AGBL1: variants seen among roughly 807,000 people sequenced by gnomAD.
AGBL1 encodes the protein AGBL carboxypeptidase 1, also known as cytosolic carboxypeptidase 4.
Under a neutral mutation model 118.9 loss-of-function variants are expected in AGBL1, and 130 were observed. The observed-to-expected ratio is 1.09, with a 90% confidence interval of 0.95 to 1.26. The LOEUF (loss-of-function observed/expected upper bound fraction) is 1.26, where lower values mean the gene tolerates loss of function less well. Ranked by LOEUF, AGBL1 falls within the 50% of genes most tolerant of loss-of-function variation. The pLI, the probability that AGBL1 is intolerant of heterozygous loss-of-function variation, is 0.00. For synonymous variants in AGBL1, 555 were observed against 478.9 expected, an observed-to-expected ratio of 1.16 and a Z score of -2.08; for missense variants, 1,584 against 1,298.1, an observed-to-expected ratio of 1.22 and a Z score of -3.38.
intron 22 of AGBL1, among the ~76,000 whole-genome samples, chr15:86,861,448 T>C (rs2079557966): frequency 6.6e-6 from 1 of 152,208 alleles, no homozygotes; most frequent in Admixed American, 6.5e-5. Context: ...CCCTATTCTA[T>C]TAATATGTTC....
chr15:86,689,336 T>C (rs151158981), intron 22 of AGBL1, among the ~76,000 whole-genome samples: 1 of 152,260 alleles, frequency 6.6e-6, no homozygotes, highest in African/African-American at 2.4e-5. Context: ...CCACTCCTAC[T>C]GTAAGGCCTC....
chr15:86,447,992 A>G (rs1369816204), intron 18 of AGBL1, among the ~76,000 whole-genome samples: 2 of 152,100 alleles, frequency 1.3e-5, no homozygotes, highest in African/African-American at 4.8e-5. Flanking sequence ...AAAAAATACA[A>G]AAACTAGCCG....
Position 86,787,867 on chromosome 15 carries a change from C to A in AGBL1, c.3158+113431C>A, listed in dbSNP as rs570857273. ...TTATCAATACTTACATCTTTTTTTT[C>A]TTCTTTGAATTTTTGATTTTTTTAA... On this transcript the variant is annotated intron_variant, in intron 22 of 22. Coordinates refer to ENST00000614907, the MANE Select transcript of AGBL1 (RefSeq NM_001386094.1). Among the ~76,000 whole-genome samples, 4 of 151,934 alleles carry A rather than the reference C, an allele frequency of 2.6e-5. No individual in the cohort carries two copies. In the South Asian group the frequency reaches 8.3e-4, roughly 32 times the overall value.
intron 22 of AGBL1, among the ~76,000 whole-genome samples, chr15:86,747,175 C>G (rs1425360248): frequency 6.6e-6 from 1 of 151,960 alleles, no homozygotes; most frequent in Non-Finnish European, 1.5e-5. Context: ...TTTCATGCTG[C>G]TTTTCCTTAG....
At chr15:86,748,530 T>C (rs1355542726) in intron 22 of AGBL1, among the ~76,000 whole-genome samples, 1 of 132,804 alleles carries the variant, frequency 7.5e-6, no homozygotes, top group East Asian at 2.1e-4. Flanking sequence ...TTTTTTTTTT[T>C]TTTTTTTTTT....
chr15:86,487,795 A>G (rs2082731466), intron 18 of AGBL1, among the ~76,000 whole-genome samples: 1 of 152,110 alleles, frequency 6.6e-6, no homozygotes, highest in Admixed American at 6.6e-5. Context: ...AAGCAGCCGA[A>G]CATATTTATT....
chr15:86,097,927 C>T (rs1039814447), intron 1 of AGBL1, among the ~76,000 whole-genome samples: 7 of 152,186 alleles, frequency 4.6e-5, no homozygotes, highest in Admixed American at 1.3e-4. Flanking sequence ...CTAATTTACA[C>T]TCCCACCAAA....
chr15:86,781,168 C>G (rs1044120785), intron 22 of AGBL1, among the ~76,000 whole-genome samples: 3 of 151,598 alleles, frequency 2.0e-5, no homozygotes, highest in Non-Finnish European at 4.4e-5. Flanking sequence ...TTCAAGTTCT[C>G]TCTGTCATTA....
chr15:86,431,743 G>A (rs989927976), intron 18 of AGBL1, among the ~76,000 whole-genome samples: 1 of 152,148 alleles, frequency 6.6e-6, no homozygotes, highest in Non-Finnish European at 1.5e-5. Context: ...CTGAGTTGTG[G>A]TCATTTTATT....
intron 22 of AGBL1, among the ~76,000 whole-genome samples, chr15:86,842,858 G>C (rs996715104): frequency 6.6e-6 from 1 of 152,168 alleles, no homozygotes; most frequent in African/African-American, 2.4e-5. Context: ...AATTCAGTCA[G>C]AGGTATAGTC....
At chr15:86,343,193 C>T (rs890493291) in intron 17 of AGBL1, among the ~76,000 whole-genome samples, 2 of 152,148 alleles carry the variant, frequency 1.3e-5, no homozygotes, top group African/African-American at 4.8e-5. Context: ...TTATGACCTG[C>T]ATCTTTGCTG....
intron 1 of AGBL1, among the ~76,000 whole-genome samples, chr15:86,101,797 T>C (rs916993116): frequency 1.3e-5 from 2 of 152,200 alleles, no homozygotes; most frequent in Non-Finnish European, 2.9e-5. Context: ...AGGCAGCATA[T>C]AGTTCAGTGT....
intron 7 of AGBL1, among the ~76,000 whole-genome samples, chr15:86,254,282 A>G (rs2142007491): frequency 6.6e-6 from 1 of 152,336 alleles, no homozygotes; most frequent in South Asian, 2.1e-4. Context: ...AATGCATTTA[A>G]TTCACACACA....
At chr15:86,097,790 G>T (rs1254400391) in intron 1 of AGBL1, among the ~76,000 whole-genome samples, 4 of 152,016 alleles carry the variant, frequency 2.6e-5, no homozygotes, top group Non-Finnish European at 5.9e-5. Flanking sequence ...GGGGATGCAG[G>T]TATCTCTTTG....
At chr15:86,688,606 T>C (rs1032824715) in intron 22 of AGBL1, among the ~76,000 whole-genome samples, 2 of 152,144 alleles carry the variant, frequency 1.3e-5, no homozygotes, top group Non-Finnish European at 2.9e-5. Context: ...GGGAGGTTTA[T>C]TAGGTTCTTA....
At chr15:86,235,982 C>G (rs1247549614) in intron 6 of AGBL1, among the ~76,000 whole-genome samples, 1 of 152,208 alleles carries the variant, frequency 6.6e-6, no homozygotes, top group Non-Finnish European at 1.5e-5. Context: ...ACAGAGGACA[C>G]TGAGGCCGAA....
chr15:86,456,183 C>T (rs2082256475), intron 18 of AGBL1, among the ~76,000 whole-genome samples: 1 of 152,162 alleles, frequency 6.6e-6, no homozygotes, highest in Non-Finnish European at 1.5e-5. Context: ...AATGGCATAG[C>T]TTGTCTTTTA....
At chr15:86,667,806 A>G (rs1567112164) in intron 21 of AGBL1, among the ~76,000 whole-genome samples, 1 of 152,144 alleles carries the variant, frequency 6.6e-6, no homozygotes, top group Admixed American at 6.5e-5. Context: ...TCCTATTTAT[A>G]TGTTTAGCTC....
At chr15:86,938,491 G>T (rs1365792872) in intron 23 of AGBL1, among the ~76,000 whole-genome samples, 1 of 152,146 alleles carries the variant, frequency 6.6e-6, no homozygotes, top group Non-Finnish European at 1.5e-5. Context: ...TCTGTCATGG[G>T]ATTTTCTAAT....
Sources: gnomAD v4.1 joint callset for allele counts (sites outside exome capture counted in the v4.1 genomes callset) on GRCh38, gnomAD v4.1.1 for gene constraint, MANE v1.5 for transcripts, NCBI Gene and HGNC (gene_info 2026-07-23, HGNC 2026-07-21) for gene names.